MIPEP: variants seen among roughly 807,000 people sequenced by gnomAD.
MIPEP encodes the protein mitochondrial intermediate peptidase.
A neutral mutation model predicts 90.3 loss-of-function variants in MIPEP; 79 were observed. The ratio of observed to expected loss-of-function variants is 0.87; its 90% CI spans 0.73 to 1.05. MIPEP has a LOEUF of 1.05. MIPEP is among the 50% of genes least tolerant of loss of function. The probability of loss-of-function intolerance (pLI) is 0.00; values close to 1 mark genes in which losing one functional copy is unlikely to be tolerated. For missense variants in MIPEP, 940 were observed against 905.6 expected (o/e 1.04, Z -0.49); for synonymous variants, 334 against 315.8 (o/e 1.06, Z -0.61).
intron 16 of MIPEP, among the ~76,000 whole-genome samples, chr13:23,798,103 CATT>C (rs1398416358): frequency 6.6e-6 from 1 of 152,202 alleles, no homozygotes; most frequent in Non-Finnish European, 1.5e-5. Context: ...CATACATATA[CATT>C]ATATCAATTA....
At chr13:23,873,920 T>C (rs932441572) in intron 5 of MIPEP, among the ~76,000 whole-genome samples, 2 of 152,136 alleles carry the variant, frequency 1.3e-5, no homozygotes, top group Non-Finnish European at 1.5e-5. Context: ...GAACCTTTAA[T>C]GCCACACAAA....
intron 18 of MIPEP, chr13:23,747,669 AT>A (rs1415594951): frequency 5.0e-6 from 2 of 399,692 alleles, no homozygotes; most frequent in Admixed American, 6.5e-5. Context: ...ATATCCAAAA[AT>A]ATTCATGTGA....
At chr13:23,737,231 T>G (rs979386781) in intron 18 of MIPEP, among the ~76,000 whole-genome samples, 1 of 152,250 alleles carries the variant, frequency 6.6e-6, no homozygotes, top group African/African-American at 2.4e-5. Flanking sequence ...GGCCGTAGTC[T>G]GGTACTGCCA....
At chr13:23,797,225 C>T (rs1289053388) in intron 16 of MIPEP, among the ~76,000 whole-genome samples, 1 of 152,102 alleles carries the variant, frequency 6.6e-6, no homozygotes. Flanking sequence ...ACAGCAAACT[C>T]TCCCTGTTCC....
intron 18 of MIPEP, among the ~76,000 whole-genome samples, chr13:23,742,797 C>A (rs189685334): frequency 6.6e-6 from 1 of 152,270 alleles, no homozygotes; most frequent in Non-Finnish European, 1.5e-5. Context: ...TAAAATAAAT[C>A]CATTTTTCTA....
chr13:23,778,666 T>G (rs7317007), intron 16 of MIPEP, among the ~76,000 whole-genome samples: 3,525 of 152,040 alleles, frequency 0.023, 142 homozygotes, highest in African/African-American at 0.079. Flanking sequence ...CAATTACCCG[T>G]TTTTTTCAAT....
chr13:23,747,697 A>G (rs1952398674), intron 18 of MIPEP: 3 of 380,492 alleles, frequency 7.9e-6, no homozygotes, highest in Admixed American at 3.4e-5. Flanking sequence ...AAATTCCTGA[A>G]CCAGGCAAAT....
intron 14 of MIPEP, among the ~76,000 whole-genome samples, chr13:23,814,762 C>T (rs1296372977): frequency 6.6e-6 from 1 of 152,178 alleles, no homozygotes; most frequent in Admixed American, 6.5e-5. Context: ...TCCAATTAAT[C>T]AAGAAATACC....
intron 18 of MIPEP, among the ~76,000 whole-genome samples, chr13:23,732,858 A>G (rs1952220716): frequency 1.3e-5 from 2 of 152,240 alleles, no homozygotes; most frequent in Non-Finnish European, 2.9e-5. Context: ...AGGTGTGTAC[A>G]TGCATCAAAA....
chr13:23,888,587 A>C, intron 1 of MIPEP: 3 of 525,498 alleles, frequency 5.7e-6, no homozygotes, highest in Non-Finnish European at 7.3e-6. Flanking sequence ...GACTCGTCTC[A>C]ACAGAGTTTT....
intron 14 of MIPEP, among the ~76,000 whole-genome samples, chr13:23,824,745 A>T (rs117159328): frequency 6.6e-6 from 1 of 152,348 alleles, no homozygotes; most frequent in East Asian, 1.9e-4. Flanking sequence ...GCCCAAGGAG[A>T]CAAAACCTCA....
chr13:23,760,129 C>T lies in MIPEP; in HGVS notation c.1937G>A (p.Trp646Ter). Residue 646 changes from tryptophan (W) to a stop codon, truncating the protein, a stop_gained, in exon 17 of 19, where the codon TGG becomes TAG. Coordinates refer to ENST00000382172, the MANE Select transcript of MIPEP (RefSeq NM_005932.4). LOFTEE classifies it high-confidence loss of function. ...LMSRAVASMVWKECFLQDPFN... is the reference protein window; with the variant it reads ...LMSRAVASMV ...AGGATCCTGTAGAAAACACTCCTTC[C>T]AAACCATGGAGGCGACCGCTCTGGA... is the stretch of plus-strand genomic sequence containing the variant. The T allele has an allele frequency of 6.2e-7, 1 of 1,614,144 alleles. No individual in the cohort carries two copies. Among genetic ancestry groups the T allele is most frequent in the Non-Finnish European group, 8.5e-7 (1 of 1,180,026 alleles).
chr13:23,812,165 C>T (rs1953179145), intron 14 of MIPEP, among the ~76,000 whole-genome samples: 1 of 146,274 alleles, frequency 6.8e-6, no homozygotes, highest in South Asian at 2.2e-4. Flanking sequence ...TCCACGTAAG[C>T]ACCAATTCCA....
intron 18 of MIPEP, among the ~76,000 whole-genome samples, chr13:23,736,980 C>T (rs949665809): frequency 2.0e-5 from 3 of 152,146 alleles, no homozygotes; most frequent in Non-Finnish European, 2.9e-5. Context: ...CCTCATGCCC[C>T]GAAATTCTGT....
At position 23,730,300 on chromosome 13, in the gene MIPEP, A is replaced by C; in HGVS notation, c.*48T>G. On this transcript the variant is annotated 3_prime_UTR_variant, in exon 19 of 19. Coordinates refer to ENST00000382172, the MANE Select transcript of MIPEP (RefSeq NM_005932.4). ...TCTCACAGCTGTAGCATTTATAACAAAGTCATTATCTACATGACCTTGATT... is the reference window on the plus strand; with the variant it reads ...TCTCACAGCTGTAGCATTTATAACACAGTCATTATCTACATGACCTTGATT... 1 of 1,246,520 alleles carries C rather than the reference A, an allele frequency of 8.0e-7. No individual in the cohort carries two copies. Among genetic ancestry groups the C allele is most frequent in the South Asian group, 1.3e-5 (1 of 78,704 alleles). The allele number at this position is 1,246,520 out of a possible 1,614,324, so 77.2% of individuals were successfully genotyped here. A position where few individuals can be genotyped will look rare whatever the true frequency, so the allele number is the denominator to read the frequency against.
chr13:23,837,770 A>G lies in MIPEP; in HGVS notation c.1339-14T>C. On this transcript the variant is annotated splice_polypyrimidine_tract_variant and intron_variant, in intron 12 of 18. Coordinates refer to ENST00000382172, the MANE Select transcript of MIPEP (RefSeq NM_005932.4). ...GAAATGGCAATCCTTTAAGAATCAG[A>G]AAACATAAAAGGAAAAGAAAGTATT... 1.3e-6 allele frequency: 2 copies of G among 1,586,916 alleles called. No individual in the cohort carries two copies. The highest frequency in any genetic ancestry group is 8.7e-7 in the Non-Finnish European group (1 of 1,155,906).
chr13:23,806,072 A>C lies in MIPEP; in HGVS notation c.1729-3T>G. 2.5e-6 allele frequency: 4 copies of C among 1,613,744 alleles called. No individual in the cohort carries two copies. The highest frequency in any genetic ancestry group is 3.4e-6 in the Non-Finnish European group (4 of 1,179,896). On this transcript the variant is annotated splice_polypyrimidine_tract_variant and splice_region_variant and intron_variant, in intron 15 of 18. Coordinates refer to ENST00000382172, the MANE Select transcript of MIPEP (RefSeq NM_005932.4). ...TGATCCAGAGTGGCATAAAAGACCT[A>C]GATAGATAAAAACATCTACTTAGTT...
chr13:23,820,013 A>T (rs939928501), intron 14 of MIPEP, among the ~76,000 whole-genome samples: 4 of 141,210 alleles, frequency 2.8e-5, no homozygotes, highest in Admixed American at 2.1e-4. Flanking sequence ...CCATCTCAAT[A>T]AAAAAAAAAA....
intron 2 of MIPEP, 59 bp from the exon 3 acceptor site, chr13:23,881,846 T>C: frequency 1.5e-6 from 2 of 1,361,610 alleles, no homozygotes; most frequent in Non-Finnish European, 2.1e-6. Context: ...TCTTCCAGGA[T>C]CTGAGGGTGA....
Sources: allele counts gnomAD v4.1 joint callset (sites outside exome capture counted in the v4.1 genomes callset), GRCh38; gene constraint gnomAD v4.1.1; transcripts MANE v1.5; gene names NCBI Gene and HGNC (gene_info 2026-07-23, HGNC 2026-07-21).